Variants in PDE4D observed in about 807,000 individuals in gnomAD.
PDE4D encodes phosphodiesterase 4D.
Under a neutral mutation model 87.4 loss-of-function variants are expected in PDE4D, and 24 were observed. That is an observed-to-expected ratio of 0.27 (90% CI 0.20 to 0.39). The LOEUF (loss-of-function observed/expected upper bound fraction) is 0.39, where lower values mean the gene tolerates loss of function less well. Ranked by LOEUF, PDE4D falls within the 10% of genes least tolerant of loss-of-function variation. The pLI is 1.00. For synonymous variants in PDE4D, 384 were observed against 383.2 expected, an observed-to-expected ratio of 1.00 and a Z score of -0.02; for missense variants, 714 against 1,041.0, an observed-to-expected ratio of 0.69 and a Z score of 4.32.
At chr5:60,442,201 C>G (rs1745280560) in intron 1 of PDE4D, among the ~76,000 whole-genome samples, 1 of 152,110 alleles carries the variant, frequency 6.6e-6, no homozygotes, top group Non-Finnish European at 1.5e-5. Context: ...AAATGCCCAT[C>G]AATGATAGAC....
intron 1 of PDE4D, among the ~76,000 whole-genome samples, chr5:59,221,268 A>G (rs2153510111): frequency 6.6e-6 from 1 of 152,300 alleles, no homozygotes; most frequent in Non-Finnish European, 1.5e-5. Context: ...CCTCACCTGC[A>G]GGGAACTTTT....
In PDE4D at chr5:60,493,134, T is replaced by A. The variant is rs17582973; in HGVS notation, n.70+28917A>T. Among the ~76,000 whole-genome samples, 286 of 152,292 alleles carry A rather than the reference T, an allele frequency of 1.9e-3. 1 individual carries two copies. The highest frequency in any genetic ancestry group is 3.2e-3 in the Non-Finnish European group (217 of 68,036). On this transcript the variant is annotated intron_variant and non_coding_transcript_variant, in intron 1 of 2. Coordinates refer to the PDE4D transcript ENST00000506510. ...TAACCCTGCCCTGTATTTTGCTGTG[T>A]CATGCAAGGACACTAACCCAGGACA...
chr5:60,137,777 CTTTAG>C (rs1375353563), intron 2 of PDE4D, among the ~76,000 whole-genome samples: 3 of 151,996 alleles, frequency 2.0e-5, no homozygotes, highest in African/African-American at 7.2e-5. Flanking sequence ...TGCAGAAGCT[CTTTAG>C]TTTAATTAGA....
At chr5:59,023,902 T>C (rs1042280236) in intron 6 of PDE4D, among the ~76,000 whole-genome samples, 7 of 119,198 alleles carry the variant, frequency 5.9e-5, no homozygotes, top group Non-Finnish European at 1.1e-4. Context: ...TGAATTCTAC[T>C]TTTTTTTTTT....
intron 1 of PDE4D, among the ~76,000 whole-genome samples, chr5:59,653,979 G>A (rs2150251094): frequency 6.6e-6 from 1 of 152,138 alleles, no homozygotes; most frequent in South Asian, 2.1e-4. Context: ...GGTGAGGCCT[G>A]CAGATCCCTT....
chr5:60,504,257 T>C (rs6449472), intron 1 of PDE4D, among the ~76,000 whole-genome samples: 1 of 127,086 alleles, frequency 7.9e-6, no homozygotes, highest in South Asian at 3.3e-4. Context: ...AATATGTCTT[T>C]ATGCATTTTT....
rs545959973 is a variant in PDE4D, at chr5:60,053,897, A to G, written c.43-65180T>C. Reference sequence around the variant, plus strand: ...GAAGGATATGAACAGACACTTCTCAAAAGAAGACTTTTATGCGGCCAACAA... The same window carrying G: ...GAAGGATATGAACAGACACTTCTCAGAAGAAGACTTTTATGCGGCCAACAA... On this transcript the variant is annotated intron_variant, in intron 2 of 16. Coordinates refer to the PDE4D transcript ENST00000502484. Among the ~76,000 whole-genome samples the G allele has an allele frequency of 2.1e-4, 32 of 152,368 alleles. No homozygotes were observed. In the East Asian group the frequency reaches 5.8e-3, roughly 28 times the overall value.
intron 1 of PDE4D, among the ~76,000 whole-genome samples, chr5:59,278,952 C>A (rs1182812974): frequency 2.0e-5 from 3 of 152,058 alleles, no homozygotes; most frequent in African/African-American, 4.8e-5. Flanking sequence ...AGACTTATGA[C>A]ATTTATCCAT....
chr5:59,746,081 T>C (rs998837245), intron 1 of PDE4D, among the ~76,000 whole-genome samples: 1 of 152,166 alleles, frequency 6.6e-6, no homozygotes, highest in Non-Finnish European at 1.5e-5. Flanking sequence ...TTGTGACAAA[T>C]GCAATATATA....
At chr5:59,867,077 A>T (rs925427416) in intron 1 of PDE4D, among the ~76,000 whole-genome samples, 4 of 152,200 alleles carry the variant, frequency 2.6e-5, no homozygotes, top group African/African-American at 9.6e-5. Flanking sequence ...ACTAGATGGC[A>T]CAGGTCACCT....
chr5:59,201,102 T>C (rs997505660), intron 2 of PDE4D, among the ~76,000 whole-genome samples: 1 of 152,158 alleles, frequency 6.6e-6, no homozygotes, highest in Non-Finnish European at 1.5e-5. Flanking sequence ...ATTCTATTTT[T>C]AAATAAATTA....
chr5:59,586,506 A>C (rs1343458180), intron 1 of PDE4D: 51 of 412,296 alleles, frequency 1.2e-4, no homozygotes, highest in South Asian at 2.7e-4. Flanking sequence ...ATTGAATCCC[A>C]AAAAAAAAAA....
Position 58,988,803 on chromosome 5 carries a change from T to C in PDE4D, c.1453-211A>G, listed in dbSNP as rs563085574. Reference sequence around the variant, plus strand: ...TTTTATCTAATTTTATTACATCTCATGATCAAATGTTTTCCATTCACTGTA... The same window carrying C: ...TTTTATCTAATTTTATTACATCTCACGATCAAATGTTTTCCATTCACTGTA... On this transcript the variant is annotated intron_variant, in intron 10 of 14. Transcript: ENST00000340635. Among the ~76,000 whole-genome samples, 15 of 152,260 alleles carry C rather than the reference T, an allele frequency of 9.9e-5. No homozygotes were observed. The East Asian group carries it at 2.9e-3, about 29-fold the overall frequency.
At chr5:60,387,509 A>C (rs1762270668) in intron 1 of PDE4D, among the ~76,000 whole-genome samples, 1 of 152,218 alleles carries the variant, frequency 6.6e-6, no homozygotes, top group Non-Finnish European at 1.5e-5. Context: ...AAAATGAAGG[A>C]TAACAGAGGG....
chr5:60,329,914 C>A (rs943660200), intron 1 of PDE4D, among the ~76,000 whole-genome samples: 8 of 152,150 alleles, frequency 5.3e-5, no homozygotes, highest in Admixed American at 3.9e-4. Context: ...AACATAATAG[C>A]CATTAATGGT....
At chr5:60,312,694 G>A (rs1469915369) in intron 1 of PDE4D, among the ~76,000 whole-genome samples, 1 of 152,106 alleles carries the variant, frequency 6.6e-6, no homozygotes, top group Non-Finnish European at 1.5e-5. Flanking sequence ...CTTGACGTGG[G>A]GATTATGACA....
At chr5:60,445,563 A>G (rs1369137397) in intron 1 of PDE4D, among the ~76,000 whole-genome samples, 4 of 152,150 alleles carry the variant, frequency 2.6e-5, no homozygotes, top group African/African-American at 9.7e-5. Context: ...GGGATGATGA[A>G]GTCATTTCTA....
upstream of PDE4D, among the ~76,000 whole-genome samples, chr5:60,488,743 T>C (rs1749348824): frequency 6.6e-6 from 1 of 151,846 alleles, no homozygotes; most frequent in Admixed American, 6.6e-5. Flanking sequence ...CAGGGATGGG[T>C]TTCAGGAGCA....
chr5:59,886,922 G>GAA (rs34893959), intron 1 of PDE4D, among the ~76,000 whole-genome samples: 2 of 144,588 alleles, frequency 1.4e-5, no homozygotes, highest in African/African-American at 2.5e-5. Context: ...AGCCTGGGGT[G>GAA]AAAAAAAAAA....
Sources: allele counts gnomAD v4.1 joint callset (sites outside exome capture counted in the v4.1 genomes callset), GRCh38; gene constraint gnomAD v4.1.1; transcripts MANE v1.5; gene names NCBI Gene and HGNC (gene_info 2026-07-23, HGNC 2026-07-21).